Variants in LARP4B observed in about 807,000 individuals in gnomAD.
LARP4B encodes the protein la-related protein 4B.
A neutral mutation model predicts 89.8 loss-of-function variants in LARP4B; 12 were observed. The observed-to-expected ratio is 0.13, with a 90% confidence interval of 0.09 to 0.22. The LOEUF (loss-of-function observed/expected upper bound fraction) is 0.22. Among genes scored for constraint, LARP4B ranks in the 10% least tolerant of loss-of-function variants. LARP4B has a pLI of 1.00. For synonymous variants in LARP4B, 367 were observed against 363.3 expected, an observed-to-expected ratio of 1.01 and a Z score of -0.12; for missense variants, 757 against 947.7, an observed-to-expected ratio of 0.80 and a Z score of 2.64.
At chr10:948,195 C>T in the LARP4B span, among the ~76,000 whole-genome samples, 22 of 152,190 alleles carry the variant, frequency 1.4e-4, no homozygotes, top group Non-Finnish European at 2.8e-4. Flanking sequence ...TACAAAGCCA[C>T]GCTGCCTGGT....
chr10:864,846 G>A (rs574199172), intron 3 of LARP4B, among the ~76,000 whole-genome samples: 5 of 152,216 alleles, frequency 3.3e-5, no homozygotes, highest in African/African-American at 4.8e-5. Context: ...CCAGCTACTC[G>A]AGAGGCTGAG....
chr10:893,830 G>A (rs1836110887), intron 1 of LARP4B, among the ~76,000 whole-genome samples: 1 of 152,098 alleles, frequency 6.6e-6, no homozygotes, highest in Admixed American at 6.6e-5. Context: ...AAGAATGAAC[G>A]GAAAACAAGT....
the LARP4B span, among the ~76,000 whole-genome samples, chr10:950,080 CT>C: frequency 1.9e-4 from 28 of 149,434 alleles, no homozygotes; most frequent in Admixed American, 2.7e-4. Flanking sequence ...CTGGCCTTAG[CT>C]TTTTTTTTTA....
At chr10:922,103 G>C (rs1006108352) in intron 1 of LARP4B, among the ~76,000 whole-genome samples, 15 of 152,250 alleles carry the variant, frequency 9.9e-5, no homozygotes, top group African/African-American at 3.4e-4. Context: ...GTGGTGAGGA[G>C]GATGCTTTCA....
chr10:848,095 G>C (rs1833867468), intron 5 of LARP4B, among the ~76,000 whole-genome samples: 1 of 152,196 alleles, frequency 6.6e-6, no homozygotes, highest in South Asian at 2.1e-4. Context: ...AAGGCTCGTG[G>C]AAGAACCACC....
At position 864,701 on chromosome 10, in the gene LARP4B, C is replaced by G. The variant is rs958947693; in HGVS notation, c.142-431G>C. ...GGGCGCGGCGGCTCACACCTGTAAT[C>G]CCAGCACTTTGGGAGGCCAAGGCGG... On this transcript the variant is annotated intron_variant, in intron 3 of 17. Coordinates refer to ENST00000316157, the MANE Select transcript of LARP4B (RefSeq NM_015155.3). Among the ~76,000 whole-genome samples, 18 of 152,348 alleles carry G rather than the reference C, an allele frequency of 1.2e-4. 1 individual carries two copies. Among genetic ancestry groups the G allele is most frequent in the African/African-American group, 4.3e-4 (18 of 41,588 alleles).
chr10:976,101 G>A, the LARP4B span, among the ~76,000 whole-genome samples: 1 of 139,714 alleles, frequency 7.2e-6, no homozygotes, highest in Non-Finnish European at 1.6e-5. Flanking sequence ...CTAGTAGAAT[G>A]TAAGCCTGTC....
At chr10:935,413 C>T (rs373489590), upstream of LARP4B, among the ~76,000 whole-genome samples, 52 of 152,306 alleles carry the variant, frequency 3.4e-4, no homozygotes, top group African/African-American at 6.5e-4. Flanking sequence ...GGCGGAATCT[C>T]GCTTATTTTT....
chr10:832,373 T>C (rs1386563481), intron 8 of LARP4B, among the ~76,000 whole-genome samples: 1 of 152,082 alleles, frequency 6.6e-6, no homozygotes, highest in Non-Finnish European at 1.5e-5. Flanking sequence ...AAATCAAACT[T>C]TACTGGAGAT....
chr10:933,652 T>C (rs574899936), upstream of LARP4B, among the ~76,000 whole-genome samples: 1 of 152,318 alleles, frequency 6.6e-6, no homozygotes, highest in East Asian at 1.9e-4. Flanking sequence ...CATGTACATA[T>C]TTCAGAAAAC....
intron 3 of LARP4B, chr10:872,923 C>T: frequency 1.8e-6 from 1 of 564,916 alleles, no homozygotes; most frequent in Non-Finnish European, 2.2e-6. Context: ...CCTGTTTGTG[C>T]CCAGACCCTG....
intron 7 of LARP4B, among the ~76,000 whole-genome samples, chr10:842,340 A>G (rs142533167): frequency 0.018 from 2,748 of 151,992 alleles, 94 homozygotes; most frequent in African/African-American, 0.061. Flanking sequence ...TGGGATTACA[A>G]GCACACACCA....
chr10:853,564 G>A (rs371502616), intron 5 of LARP4B, among the ~76,000 whole-genome samples: 1 of 152,146 alleles, frequency 6.6e-6, no homozygotes, highest in African/African-American at 2.4e-5. Flanking sequence ...CATGCCTGTA[G>A]TCCCAGCTAC....
At chr10:860,268 C>A (rs1834531652) in intron 5 of LARP4B, among the ~76,000 whole-genome samples, 1 of 152,072 alleles carries the variant, frequency 6.6e-6, no homozygotes, top group Non-Finnish European at 1.5e-5. Flanking sequence ...TAAATTAAAG[C>A]CACAGTAAGA....
chr10:896,331 A>C (rs1447551206), intron 1 of LARP4B, among the ~76,000 whole-genome samples: 1 of 152,246 alleles, frequency 6.6e-6, no homozygotes, highest in African/African-American at 2.4e-5. Flanking sequence ...TATAGCATCA[A>C]AGAATATTCA....
At chr10:842,865 A>G in intron 7 of LARP4B, 67 bp downstream of exon 7, 1 of 1,442,058 alleles carries the variant, frequency 6.9e-7, no homozygotes, top group Non-Finnish European at 9.6e-7. Flanking sequence ...ATAGATTTAA[A>G]GGTTCATGCT....
chr10:812,456 A>C lies in LARP4B; in HGVS notation c.*470T>G, dbSNP rs1318916803. 1 of 152,048 alleles carries C rather than the reference A, an allele frequency of 6.6e-6. No homozygotes were observed. Among genetic ancestry groups the C allele is most frequent in the East Asian group, 1.9e-4 (1 of 5,150 alleles). The allele number at this position is 152,048 out of a possible 1,614,324, so 9.4% of individuals were successfully genotyped here. A position where few individuals can be genotyped will look rare whatever the true frequency, so the allele number is the denominator to read the frequency against. On this transcript the variant is annotated 3_prime_UTR_variant, in exon 18 of 18. Coordinates refer to ENST00000316157, the MANE Select transcript of LARP4B (RefSeq NM_015155.3). ...TGGCGCGGCCAGCACTGCCTCTACGAGGCCACACCTGCCTCTGCCAAGGCC... is the reference window on the plus strand; with the variant it reads ...TGGCGCGGCCAGCACTGCCTCTACGCGGCCACACCTGCCTCTGCCAAGGCC...
At chr10:872,903 G>T in intron 3 of LARP4B, 1 of 301,512 alleles carries the variant, frequency 3.3e-6, no homozygotes, top group Non-Finnish European at 4.9e-6. Context: ...TGACTGCTTG[G>T]GTCTATGACC....
intron 1 of LARP4B, among the ~76,000 whole-genome samples, chr10:916,185 A>G (rs992179338): frequency 2.0e-5 from 3 of 152,194 alleles, no homozygotes; most frequent in Non-Finnish European, 2.9e-5. Context: ...TATGTCAGAC[A>G]TAATTATGGT....
Sources: gnomAD v4.1 joint callset for allele counts (sites outside exome capture counted in the v4.1 genomes callset) on GRCh38, gnomAD v4.1.1 for gene constraint, MANE v1.5 for transcripts, NCBI Gene and HGNC (gene_info 2026-07-23, HGNC 2026-07-21) for gene names.